CPA1: variants seen among roughly 807,000 people sequenced by gnomAD.
CPA1 encodes carboxypeptidase A1, also known as carboxypeptidase A1 (pancreatic).
CPA1 carries 42 observed loss-of-function variants against 48.7 expected under a neutral mutation model. That is an observed-to-expected ratio of 0.86 (90% CI 0.67 to 1.11). The LOEUF is 1.11. Ranked by LOEUF, CPA1 falls within the 50% of genes most tolerant of loss-of-function variation. The pLI, the probability that CPA1 is intolerant of heterozygous loss-of-function variation, is 0.00. For missense variants in CPA1, 477 were observed against 544.7 expected (o/e 0.88, Z 1.24); for synonymous variants, 203 against 217.9 (o/e 0.93, Z 0.60).
At chr7:130,380,969 C>CT (rs1281930861) in intron 1 of CPA1, 129 bp from the exon 2 acceptor site, 1 of 749,832 alleles carries the variant, frequency 1.3e-6, no homozygotes, top group African/African-American at 1.7e-5. Flanking sequence ...GTGCTGTCCC[C>CT]TGCCCAGCCC....
chr7:130,383,791 C>T lies in CPA1; in HGVS notation c.693C>T (p.Ser231=). Residue 231 remains serine, a synonymous_variant, in exon 6 of 10, where the codon AGC becomes AGT. Transcript: ENST00000011292. ...CTGATGGCTTTGCCTTCACGCACAGCACGGTACCGGCCTTCTCCTGTCCTT... is the reference window on the plus strand; with the variant it reads ...CTGATGGCTTTGCCTTCACGCACAGTACGGTACCGGCCTTCTCCTGTCCTT... ...TNPDGFAFTH[S]TNRMWRKTRS... is the part of the protein sequence containing the mutation. 6.2e-7 allele frequency: 1 copy of T among 1,609,012 alleles called. No individual in the cohort carries two copies. The highest frequency in any genetic ancestry group is 8.5e-7 in the Non-Finnish European group (1 of 1,175,776).
At chr7:130,382,972 G>C (rs985688921) in intron 4 of CPA1, among the ~76,000 whole-genome samples, 11 of 150,686 alleles carry the variant, frequency 7.3e-5, no homozygotes, top group Non-Finnish European at 1.3e-4. Flanking sequence ...GTAGAGACAG[G>C]GTTTTGCCAT....
rs548306438 is a variant in CPA1 at position 130,381,795 on chromosome 7, T to C, written c.313T>C (p.Phe105Leu). ...GCTGGACGAGGAGCAGGAGCAGATG[T>C]TCGCCTTCCGGTCCCGGGCGCGCTC... Reference protein sequence around the residue: ...SLLDEEQEQMFAFRSRARSTD... With the variant: ...SLLDEEQEQMLAFRSRARSTD... Residue 105 changes from phenylalanine to leucine, a missense_variant, in exon 3 of 10, where the codon TTC (phenylalanine) becomes CTC (leucine). Transcript: ENST00000011292. The C allele has an allele frequency of 6.8e-6, 11 of 1,614,094 alleles. No individual in the cohort carries two copies. The East Asian group carries it at 1.8e-4, about 26-fold the overall frequency.
At position 130,381,853 on chromosome 7, in the gene CPA1, C is replaced by A; in HGVS notation, c.371C>A (p.Thr124Asn). 6.2e-7 allele frequency: 1 copy of A among 1,613,556 alleles called. No individual in the cohort carries two copies. Among genetic ancestry groups the A allele is most frequent in the Admixed American group, 1.7e-5 (1 of 60,030 alleles). The part of the protein sequence containing the change: ...TDTFNYATYH[T>N]LEEIYDFLDL... ...ACTTTTAACTACGCCACCTACCACA[C>A]CCTGGAGGAGGTGAGGGCGCCCCTA... is the stretch of plus-strand genomic sequence containing the variant. Residue 124 changes from threonine (T) to asparagine (N), a missense_variant, in exon 3 of 10, where the codon ACC becomes AAC. Coordinates refer to ENST00000011292, the MANE Select transcript of CPA1 (RefSeq NM_001868.4).
Position 130,381,836 on chromosome 7 carries a change from C to T in CPA1, c.354C>T (p.Asn118=), listed in dbSNP as rs1554411241. ...GGGCGCGCTCCACCGACACTTTTAA[C>T]TACGCCACCTACCACACCCTGGAGG... ...RSRARSTDTF[N]YATYHTLEEI... The change falls in exon 3 of 10, where the codon AAC becomes AAT. Residue 118 remains asparagine (N), a synonymous_variant. Coordinates refer to ENST00000011292, the MANE Select transcript of CPA1 (RefSeq NM_001868.4). The T allele has an allele frequency of 3.1e-6, 5 of 1,614,022 alleles. No homozygotes were observed. The highest frequency in any genetic ancestry group is 4.2e-6 in the Non-Finnish European group (5 of 1,180,014).
chr7:130,386,503 G>T (rs531960313), intron 9 of CPA1, among the ~76,000 whole-genome samples: 1 of 152,090 alleles, frequency 6.6e-6, no homozygotes, highest in Admixed American at 6.5e-5. Context: ...CTGTACTCCA[G>T]CCTGGGCGAC....
At chr7:130,385,620 G>C (rs1554411891) in intron 8 of CPA1, among the ~76,000 whole-genome samples, 1 of 152,216 alleles carries the variant, frequency 6.6e-6, no homozygotes, top group African/African-American at 2.4e-5. Flanking sequence ...TGTGCCTGAA[G>C]GGCAGGGAAG....
chr7:130,386,507 G>T (rs549935568), intron 9 of CPA1, among the ~76,000 whole-genome samples: 1 of 152,032 alleles, frequency 6.6e-6, no homozygotes, highest in Admixed American at 6.5e-5. Context: ...ACTCCAGCCT[G>T]GGCGACACAG....
chr7:130,380,555 G>C lies in CPA1; in HGVS notation c.35G>C (p.Gly12Ala). The C allele has an allele frequency of 7.6e-7, 1 of 1,317,528 alleles. No homozygotes were observed. The highest frequency in any genetic ancestry group is 9.8e-7 in the Non-Finnish European group (1 of 1,025,062). 81.6% of individuals were successfully genotyped at this position (1,317,528 alleles called of 1,614,324 possible). Residue 12 changes from glycine (G) to alanine (A), a missense_variant, in exon 1 of 10, where the codon GGG (glycine) becomes GCG (alanine). Gly to Ala is a moderately conservative substitution (Grantham distance 60). Transcript: ENST00000011292. Reference protein sequence around the residue: ...RGLLVLSVLLGAVFGKEDFVG... With the variant: ...RGLLVLSVLLAAVFGKEDFVG... ...TTGCTGGTGTTGAGTGTCCTGTTGGGGGCTGTCTTTGGCAAGGAGGACTTT... is the reference window on the plus strand; with the variant it reads ...TTGCTGGTGTTGAGTGTCCTGTTGGCGGCTGTCTTTGGCAAGGAGGACTTT...
intron 7 of CPA1, 75 bp from the exon 8 acceptor site, chr7:130,385,071 C>G: frequency 1.4e-6 from 2 of 1,468,026 alleles, no homozygotes; most frequent in East Asian, 2.3e-5. Context: ...ACCCCCAACT[C>G]CATGCAAAGA....
intron 2 of CPA1, 95 bp downstream of exon 2, chr7:130,381,274 C>CAG: frequency 1.2e-6 from 1 of 807,792 alleles, no homozygotes; most frequent in Non-Finnish European, 2.0e-6. Flanking sequence ...GCTGTCTCCA[C>CAG]CCAACAAGGA....
intron 5 of CPA1, 94 bp downstream of exon 5, chr7:130,383,586 C>A: frequency 1.4e-6 from 2 of 1,410,126 alleles, no homozygotes; most frequent in African/African-American, 1.4e-5. Context: ...CATCCAGAAG[C>A]AGTGACCACA....
In CPA1 at chr7:130,387,203, T is replaced by C. The variant is rs938422855; in HGVS notation, c.1073-621T>C. ...GGTGGGCAAGCAGGTCACAATCTTATCCAAGGTTGACCTCACTTTTGGACT... is the reference window on the plus strand; with the variant it reads ...GGTGGGCAAGCAGGTCACAATCTTACCCAAGGTTGACCTCACTTTTGGACT... On this transcript the variant is annotated intron_variant, in intron 9 of 9. Transcript: ENST00000011292. The surrounding 1 kb of genome is among the most constrained non-coding windows in gnomAD (Gnocchi z 4.6). Among the ~76,000 whole-genome samples, 1 of 152,286 alleles carries C rather than the reference T, an allele frequency of 6.6e-6. No individual in the cohort carries two copies. The highest frequency in any genetic ancestry group is 1.5e-5 in the Non-Finnish European group (1 of 68,024).
Position 130,384,530 on chromosome 7 carries a change from C to A in CPA1, c.697-6C>A. The A allele has an allele frequency of 5.6e-6, 9 of 1,613,978 alleles. No homozygotes were observed. Among genetic ancestry groups the A allele is most frequent in the Non-Finnish European group, 7.6e-6 (9 of 1,179,834 alleles). On this transcript the variant is annotated splice_region_variant and splice_polypyrimidine_tract_variant and intron_variant, in intron 6 of 9. Coordinates refer to ENST00000011292, the MANE Select transcript of CPA1 (RefSeq NM_001868.4). ...TCGGGGTGGCTGATCCCATTTCCTTCCTCAGAATCGCATGTGGCGCAAGAC... is the reference window on the plus strand; with the variant it reads ...TCGGGGTGGCTGATCCCATTTCCTTACTCAGAATCGCATGTGGCGCAAGAC...
At chr7:130,382,718 C>T (rs1796423040) in intron 4 of CPA1, among the ~76,000 whole-genome samples, 1 of 145,216 alleles carries the variant, frequency 6.9e-6, no homozygotes, top group South Asian at 2.2e-4. Context: ...CATCTCGGCT[C>T]ACTGAACCTC....
intron 1 of CPA1, 44 bp downstream of exon 1, chr7:130,380,629 G>C (rs782139600): frequency 8.9e-7 from 1 of 1,120,154 alleles, no homozygotes; most frequent in African/African-American, 1.6e-5. Context: ...GGGTGATGGG[G>C]AGGACTCAGC....
In CPA1 at chr7:130,381,178, A is replaced by G. The variant is rs781860509; in HGVS notation, c.146A>G (p.Gln49Arg). The G allele has an allele frequency of 6.2e-7, 1 of 1,610,936 alleles. No homozygotes were observed. The highest frequency in any genetic ancestry group is 8.5e-7 in the Non-Finnish European group (1 of 1,178,212). The change falls in exon 2 of 10, where the codon CAG (glutamine) becomes CGG (arginine). Residue 49 changes from glutamine to arginine, a missense_variant and splice_region_variant. Physicochemically the swap from Gln to Arg is conservative, Grantham distance 43. Coordinates refer to ENST00000011292, the MANE Select transcript of CPA1 (RefSeq NM_001868.4). ...GAGCTGGAGGACCTGGAGCACCTGC[A>G]GGTCAGAAGAGGGGAGAAGGGCTCT... ...VKELEDLEHLQLDFWRGPAHP... is the reference protein window; with the variant it reads ...VKELEDLEHLRLDFWRGPAHP...
chr7:130,381,789 C>G lies in CPA1; in HGVS notation c.307C>G (p.Gln103Glu), dbSNP rs997840503. Residue 103 changes from glutamine (Q) to glutamate (E), a missense_variant, in exon 3 of 10, where the codon CAG becomes GAG. By Grantham distance (29) the Gln-to-Glu change is conservative. Coordinates refer to ENST00000011292, the MANE Select transcript of CPA1 (RefSeq NM_001868.4). ...VQSLLDEEQE[Q>E]MFAFRSRARS... Reference sequence around the variant, plus strand: ...GTCGCTGCTGGACGAGGAGCAGGAGCAGATGTTCGCCTTCCGGTCCCGGGC... The same window carrying G: ...GTCGCTGCTGGACGAGGAGCAGGAGGAGATGTTCGCCTTCCGGTCCCGGGC... 34 of 1,614,148 alleles carry G rather than the reference C, an allele frequency of 2.1e-5. No homozygotes were observed. Among genetic ancestry groups the G allele is most frequent in the Non-Finnish European group, 2.8e-5 (33 of 1,180,020 alleles).
chr7:130,384,161 C>T, intron 6 of CPA1: 1 of 430,908 alleles, frequency 2.3e-6, no homozygotes, highest in South Asian at 3.0e-5. Context: ...CTTCCTGGTC[C>T]TACTTCTATT....
Sources: allele counts gnomAD v4.1 joint callset (sites outside exome capture counted in the v4.1 genomes callset), GRCh38; gene constraint gnomAD v4.1.1; non-coding constraint Gnocchi (gnomAD v3.1); transcripts MANE v1.5; gene names NCBI Gene and HGNC (gene_info 2026-07-23, HGNC 2026-07-21).